FOSB: variants seen among roughly 807,000 people sequenced by gnomAD.
FOSB encodes the protein FosB proto-oncogene, AP-1 transcription factor subunit.
A neutral mutation model predicts 31.1 loss-of-function variants in FOSB; 8 were observed. The ratio of observed to expected loss-of-function variants is 0.26; its 90% CI spans 0.15 to 0.46. The LOEUF is 0.46. Among genes scored for constraint, FOSB ranks in the 20% least tolerant of loss-of-function variants. The pLI, the probability that FOSB is intolerant of heterozygous loss-of-function variation, is 0.99. For missense variants in FOSB, 376 were observed against 460.6 expected, an observed-to-expected ratio of 0.82 and a Z score of 1.68; for synonymous variants, 214 against 206.1, an observed-to-expected ratio of 1.04 and a Z score of -0.33.
chr19:45,468,497 G>T lies in FOSB; in HGVS notation c.-90G>T. 2 of 1,427,172 alleles carry T rather than the reference G, an allele frequency of 1.4e-6. No homozygotes were observed. The highest frequency in any genetic ancestry group is 1.4e-5 in the South Asian group (1 of 73,926). The allele number at this position is 1,427,172 out of a possible 1,614,324, so 88.4% of individuals were successfully genotyped here. On this transcript the variant is annotated 5_prime_UTR_variant, in exon 1 of 4. Transcript: ENST00000353609. This position sits in a 1 kb window ranked among gnomAD's most constrained non-coding sequence, Gnocchi z 4.8. ...ACCGGGGACTCCCACGGCTCACCCC[G>T]GACTTGCACCTTACTTCCCCAACCC...
rs1568612091 is a variant in FOSB, at chr19:45,468,804, C to T, written c.126+92C>T. ...AAACCCCAACCCCCACAAAAAGGCG[C>T]ATCAGAACCCTAGATCTGAGATGGA... On this transcript the variant is annotated intron_variant, in intron 1 of 3. Transcript: ENST00000353609. This position sits in a 1 kb window ranked among gnomAD's most constrained non-coding sequence, Gnocchi z 4.8. 7.5e-7 allele frequency: 1 copy of T among 1,324,946 alleles called. No individual in the cohort carries two copies. Among genetic ancestry groups the T allele is most frequent in the Non-Finnish European group, 1.0e-6 (1 of 987,096 alleles). The allele number at this position is 1,324,946 out of a possible 1,614,324, so 82.1% of individuals were successfully genotyped here. A position where few individuals can be genotyped will look rare whatever the true frequency, so the allele number is the denominator to read the frequency against.
Position 45,473,004 on chromosome 19 carries a change from G to C in FOSB, c.1009G>C (p.Ala337Pro). 1 of 1,607,778 alleles carries C rather than the reference G, an allele frequency of 6.2e-7. No individual in the cohort carries two copies. The highest frequency in any genetic ancestry group is 8.5e-7 in the Non-Finnish European group (1 of 1,179,578). Reference protein sequence around the residue: ...SDPLNSPSLLAL With the variant: ...SDPLNSPSLLPL ...TCCCCTGAACTCGCCCTCCCTCCTC[G>C]CTCTGTGAACTCTTTAGACACACAA... Residue 337 changes from alanine to proline, a missense_variant, in exon 4 of 4, where the codon GCT becomes CCT. Ala to Pro is a conservative substitution (Grantham distance 27). Transcript: ENST00000353609.
rs1484586734 is a variant in FOSB at position 45,470,664 on chromosome 19, C to T, written c.162C>T (p.Phe54=). The T allele has an allele frequency of 6.2e-7, 1 of 1,612,042 alleles. No individual in the cohort carries two copies. The highest frequency in any genetic ancestry group is 8.5e-7 in the Non-Finnish European group (1 of 1,179,344). Residue 54 remains phenylalanine (F), a synonymous_variant, in exon 2 of 4, where the codon TTC becomes TTT. Transcript: ENST00000353609. ...GTCTCGGGGAAATGCCCGGTTCCTTCGTGCCCACGGTCACCGCGATCACAA... is the reference window on the plus strand; with the variant it reads ...GTCTCGGGGAAATGCCCGGTTCCTTTGTGCCCACGGTCACCGCGATCACAA... ...CAGLGEMPGS[F]VPTVTAITTS... is the part of the protein sequence containing the mutation.
intron 3 of FOSB, chr19:45,471,644 T>A (rs1462467100): frequency 4.7e-6 from 1 of 213,286 alleles, no homozygotes; most frequent in Non-Finnish European, 9.8e-6. Context: ...CCTCAGTTTC[T>A]CCATCTCTGC....
Position 45,468,794 on chromosome 19 carries a change from C to T in FOSB, c.126+82C>T. The T allele has an allele frequency of 2.2e-6, 3 of 1,392,060 alleles. No homozygotes were observed. The highest frequency in any genetic ancestry group is 2.5e-5 in the East Asian group (1 of 39,918). The allele number at this position is 1,392,060 out of a possible 1,614,324, so 86.2% of individuals were successfully genotyped here. A position where few individuals can be genotyped will look rare whatever the true frequency, so the allele number is the denominator to read the frequency against. On this transcript the variant is annotated intron_variant, in intron 1 of 3. Transcript: ENST00000353609. The surrounding 1 kb of genome is among the most constrained non-coding windows in gnomAD (Gnocchi z 4.8). ...TGAAAAGAATAAACCCCAACCCCCA[C>T]AAAAAGGCGCATCAGAACCCTAGAT...
In FOSB at chr19:45,472,156, C is replaced by A; in HGVS notation, c.556-395C>A. ...GCTTTAGTGGGAGGATCGCTTGAGC[C>A]GAGGAGGTCCAGGCTGCAGTGAGCC... On this transcript the variant is annotated intron_variant, in intron 3 of 3. Transcript: ENST00000353609. The surrounding 1 kb of genome is among the most constrained non-coding windows in gnomAD (Gnocchi z 5.4). 1 of 159,996 alleles carries A rather than the reference C, an allele frequency of 6.3e-6. No individual in the cohort carries two copies. Among genetic ancestry groups the A allele is most frequent in the Non-Finnish European group, 1.4e-5 (1 of 73,588 alleles). The allele number at this position is 159,996 out of a possible 1,614,324, so 9.9% of individuals were successfully genotyped here.
Position 45,473,099 on chromosome 19 carries a change from G to C in FOSB, c.*87G>C. ...AGGAGGAGAAGGAGGAGAGAGAGGG[G>C]AAGAGACAAAGTGGGTGTGTGGCCT... On this transcript the variant is annotated 3_prime_UTR_variant, in exon 4 of 4. Transcript: ENST00000353609. The C allele has an allele frequency of 7.5e-7, 1 of 1,335,560 alleles. No individual in the cohort carries two copies. Among genetic ancestry groups the C allele is most frequent in the Non-Finnish European group, 1.0e-6 (1 of 963,176 alleles). The allele number at this position is 1,335,560 out of a possible 1,614,324, so 82.7% of individuals were successfully genotyped here. A position where few individuals can be genotyped will look rare whatever the true frequency, so the allele number is the denominator to read the frequency against.
intron 1 of FOSB, among the ~76,000 whole-genome samples, chr19:45,469,007 T>C (rs1335984272): frequency 6.6e-6 from 1 of 152,180 alleles, no homozygotes; most frequent in Non-Finnish European, 1.5e-5. Flanking sequence ...GCTGAGAACT[T>C]TGAGCCGGCC....
In FOSB at chr19:45,468,468, G is replaced by C; in HGVS notation, c.-119G>C. 9.1e-7 allele frequency: 1 copy of C among 1,093,852 alleles called. No homozygotes were observed. The highest frequency in any genetic ancestry group is 1.3e-6 in the Non-Finnish European group (1 of 757,988). 67.8% of individuals were successfully genotyped at this position (1,093,852 alleles called of 1,614,324 possible). A position where few individuals can be genotyped will look rare whatever the true frequency, so the allele number is the denominator to read the frequency against. On this transcript the variant is annotated 5_prime_UTR_variant, in exon 1 of 4. Coordinates refer to ENST00000353609, the MANE Select transcript of FOSB (RefSeq NM_006732.3). The surrounding 1 kb of genome is among the most constrained non-coding windows in gnomAD (Gnocchi z 4.8). ...ACAGCGTACTTTGAGGACTCGCTCA[G>C]CTCACCGGGGACTCCCACGGCTCAC...
rs1967515722 is a variant in FOSB at position 45,468,936 on chromosome 19, G to A, written c.126+224G>A. Among the ~76,000 whole-genome samples the A allele has an allele frequency of 6.6e-6, 1 of 152,082 alleles. No homozygotes were observed. Among genetic ancestry groups the A allele is most frequent in the Non-Finnish European group, 1.5e-5 (1 of 68,016 alleles). ...AACGCGGCAGGGAGGGTAGGCTTTGGGGCGAGGTGGGGGTGGGGTGGGTAA... is the reference window on the plus strand; with the variant it reads ...AACGCGGCAGGGAGGGTAGGCTTTGAGGCGAGGTGGGGGTGGGGTGGGTAA... On this transcript the variant is annotated intron_variant, in intron 1 of 3. Transcript: ENST00000353609. This position sits in a 1 kb window ranked among gnomAD's most constrained non-coding sequence, Gnocchi z 4.8.
chr19:45,467,996 A>G lies in FOSB; in HGVS notation c.-591A>G, dbSNP rs1169325072. The stretch of plus-strand genomic sequence containing the variant: ...ATACAGGCTGGCGGGTCTGTGCTTC[A>G]TTCATAAGACTCAGAGCTACGGCCA... On this transcript the variant is annotated 5_prime_UTR_variant, in exon 1 of 4. Transcript: ENST00000353609. The G allele has an allele frequency of 6.6e-6, 1 of 152,316 alleles. No homozygotes were observed. Among genetic ancestry groups the G allele is most frequent in the Non-Finnish European group, 1.5e-5 (1 of 68,046 alleles). The allele number at this position is 152,316 out of a possible 1,614,324, so 9.4% of individuals were successfully genotyped here.
intron 2 of FOSB, 33 bp downstream of exon 2, chr19:45,470,982 A>C: frequency 6.2e-7 from 1 of 1,601,838 alleles, no homozygotes; most frequent in Non-Finnish European, 8.5e-7. Context: ...TGGCCTGGGT[A>C]GGGGGAAGCA....
chr19:45,473,029 A>T lies in FOSB; in HGVS notation c.*17A>T. ...GCTCTGTGAACTCTTTAGACACACAAAACAAACAAACACATGGGGGAGAGA... is the reference window on the plus strand; with the variant it reads ...GCTCTGTGAACTCTTTAGACACACATAACAAACAAACACATGGGGGAGAGA... On this transcript the variant is annotated 3_prime_UTR_variant, in exon 4 of 4. Transcript: ENST00000353609. 6.3e-7 allele frequency: 1 copy of T among 1,587,168 alleles called. No individual in the cohort carries two copies. The highest frequency in any genetic ancestry group is 8.6e-7 in the Non-Finnish European group (1 of 1,166,008).
rs920554933 is a variant in FOSB, at chr19:45,468,417, G to T, written c.-170G>T. ...AACTTTGCCATTGTTGGAACGGGAC[G>T]TTGCTCCTTCCCCGAGCTTCCCCGG... On this transcript the variant is annotated 5_prime_UTR_variant, in exon 1 of 4. Transcript: ENST00000353609. The surrounding 1 kb of genome is among the most constrained non-coding windows in gnomAD (Gnocchi z 4.8). 2 of 699,398 alleles carry T rather than the reference G, an allele frequency of 2.9e-6. No homozygotes were observed. The highest frequency in any genetic ancestry group is 1.8e-5 in the South Asian group (1 of 54,918). The allele number at this position is 699,398 out of a possible 1,614,324, so 43.3% of individuals were successfully genotyped here. A position where few individuals can be genotyped will look rare whatever the true frequency, so the allele number is the denominator to read the frequency against.
intron 3 of FOSB, chr19:45,471,546 A>G (rs892655305): frequency 4.5e-5 from 14 of 311,784 alleles, no homozygotes; most frequent in African/African-American, 3.6e-4. Context: ...CCTTCATTTC[A>G]TCCCAAGGGG....
chr19:45,468,520 C>T lies in FOSB; in HGVS notation c.-67C>T. 2 of 1,538,860 alleles carry T rather than the reference C, an allele frequency of 1.3e-6. No homozygotes were observed. The highest frequency in any genetic ancestry group is 2.3e-5 in the East Asian group (1 of 43,366). Reference sequence around the variant, plus strand: ...CCGGACTTGCACCTTACTTCCCCAACCCGGCCATAGCCTTGGCTTCCCGGC... The same window carrying T: ...CCGGACTTGCACCTTACTTCCCCAATCCGGCCATAGCCTTGGCTTCCCGGC... On this transcript the variant is annotated 5_prime_UTR_variant, in exon 1 of 4. Coordinates refer to ENST00000353609, the MANE Select transcript of FOSB (RefSeq NM_006732.3). The surrounding 1 kb of genome is among the most constrained non-coding windows in gnomAD (Gnocchi z 4.8).
rs1449564140 is a variant in FOSB at position 45,472,554 on chromosome 19, A to G, written c.559A>G (p.Thr187Ala). The part of the protein sequence containing the change: ...RELTDRLQAE[T>A]DQLEEEKAEL... ...GACCTGGCCTCCCTGGCCTCAGGAG[A>G]CAGATCAGTTGGAGGAAGAAAAAGC... Residue 187 changes from threonine (T) to alanine (A), a missense_variant, in exon 4 of 4, where the codon ACA (threonine) becomes GCA (alanine). Thr to Ala is a moderately conservative substitution (Grantham distance 58, BLOSUM62 0). Transcript: ENST00000353609. This position sits in a 1 kb window ranked among gnomAD's most constrained non-coding sequence, Gnocchi z 5.4. The G allele has an allele frequency of 1.3e-6, 2 of 1,496,300 alleles. No homozygotes were observed. Among genetic ancestry groups the G allele is most frequent in the Non-Finnish European group, 1.8e-6 (2 of 1,123,628 alleles). The allele number at this position is 1,496,300 out of a possible 1,614,324, so 92.7% of individuals were successfully genotyped here. A position where few individuals can be genotyped will look rare whatever the true frequency, so the allele number is the denominator to read the frequency against.
At chr19:45,471,507 T>A (rs1967670748) in intron 3 of FOSB, 1 of 318,204 alleles carries the variant, frequency 3.1e-6, no homozygotes. Flanking sequence ...CCCCCCCCCA[T>A]TTCCTGACCC....
intron 2 of FOSB, 21 bp from the exon 3 acceptor site, chr19:45,471,173 G>T (rs1488475652): frequency 6.5e-7 from 1 of 1,545,882 alleles, no homozygotes; most frequent in Non-Finnish European, 8.8e-7. Flanking sequence ...AAATCTCATG[G>T]CCTCTATCTC....
Sources: gnomAD v4.1 joint callset for allele counts (sites outside exome capture counted in the v4.1 genomes callset) on GRCh38, gnomAD v4.1.1 for gene constraint, Gnocchi (gnomAD v3.1) non-coding constraint, MANE v1.5 for transcripts, NCBI Gene and HGNC (gene_info 2026-07-23, HGNC 2026-07-21) for gene names.